PGGT1B: variants seen among roughly 807,000 people sequenced by gnomAD.
The protein encoded by PGGT1B is protein geranylgeranyltransferase type I subunit beta.
In PGGT1B, 30 loss-of-function variants were observed where a neutral mutation model predicts 46.1. The ratio of observed to expected loss-of-function variants is 0.65; its 90% CI spans 0.49 to 0.88. PGGT1B has a LOEUF of 0.88. Among genes scored for constraint, PGGT1B ranks in the 40% least tolerant of loss-of-function variants. PGGT1B has a pLI of 0.00. For missense variants in PGGT1B, 376 were observed against 455.9 expected (o/e 0.82, Z 1.60); for synonymous variants, 170 against 160.0 (o/e 1.06, Z -0.47).
intron 6 of PGGT1B, among the ~76,000 whole-genome samples, chr5:115,230,059 A>G (rs536725291): frequency 6.6e-6 from 1 of 152,258 alleles, no homozygotes; most frequent in East Asian, 1.9e-4. Context: ...ATATCTTTTT[A>G]TACAGGTTTA....
At position 115,211,805 on chromosome 5, in the gene PGGT1B, T is replaced by A. The variant is rs1052653305; in HGVS notation, c.*597A>T. ...CCTTTTAGAAAACTATCACATTAGTTAAACCTATTTATTCTTACTATGAAG... is the reference window on the plus strand; with the variant it reads ...CCTTTTAGAAAACTATCACATTAGTAAAACCTATTTATTCTTACTATGAAG... On this transcript the variant is annotated 3_prime_UTR_variant, in exon 9 of 9. Coordinates refer to ENST00000419445, the MANE Select transcript of PGGT1B (RefSeq NM_005023.4). 6.6e-6 allele frequency: 1 copy of A among 152,418 alleles called. No individual in the cohort carries two copies. The highest frequency in any genetic ancestry group is 6.5e-5 in the Admixed American group (1 of 15,280). The allele number at this position is 152,418 out of a possible 1,614,324, so 9.4% of individuals were successfully genotyped here.
At chr5:115,244,529 A>G (rs1323298306) in intron 2 of PGGT1B, among the ~76,000 whole-genome samples, 1 of 149,560 alleles carries the variant, frequency 6.7e-6, no homozygotes, top group Non-Finnish European at 1.5e-5. Flanking sequence ...TCCAAATTGT[A>G]CATAATGCTA....
At chr5:115,231,967 G>T (rs190263300) in intron 5 of PGGT1B, among the ~76,000 whole-genome samples, 60 of 152,138 alleles carry the variant, frequency 3.9e-4, no homozygotes, top group African/African-American at 1.3e-3. Context: ...TTCAAAGTCT[G>T]TTAGGAATTG....
intron 6 of PGGT1B, among the ~76,000 whole-genome samples, chr5:115,228,208 T>G (rs569500765): frequency 1.3e-5 from 2 of 152,262 alleles, no homozygotes; most frequent in African/African-American, 4.8e-5. Context: ...GAAGTAACAG[T>G]GCAGACTGGG....
rs1756048690 is a variant in PGGT1B at position 115,205,911 on chromosome 5, G to A, written c.*6491C>T. ...TCAAGGATCTCACAGCAATATTTTT[G>A]TAGTTGTGAAAAATAAGGCACTGAT... On this transcript the variant is annotated 3_prime_UTR_variant, in exon 9 of 9. Coordinates refer to ENST00000419445, the MANE Select transcript of PGGT1B (RefSeq NM_005023.4). The A allele has an allele frequency of 7.1e-6, 1 of 140,302 alleles. No homozygotes were observed. Among genetic ancestry groups the A allele is most frequent in the African/African-American group, 2.8e-5 (1 of 35,728 alleles). The allele number at this position is 140,302 out of a possible 1,614,324, so 8.7% of individuals were successfully genotyped here. A position where few individuals can be genotyped will look rare whatever the true frequency, so the allele number is the denominator to read the frequency against.
intron 3 of PGGT1B, among the ~76,000 whole-genome samples, chr5:115,240,192 T>C (rs946854058): frequency 3.5e-4 from 53 of 152,076 alleles, no homozygotes; most frequent in Admixed American, 6.6e-5. Flanking sequence ...TGCAGGTGAA[T>C]GAAGGTCCAA....
In PGGT1B at chr5:115,244,466, C is replaced by CAAAA. The variant is rs1299602640; in HGVS notation, c.260-2864_260-2861dup. 6.8e-3 allele frequency among the ~76,000 whole-genome samples: 211 copies of CAAAA among 31,140 alleles called. 31 individuals are homozygous for CAAAA. Among genetic ancestry groups the CAAAA allele is most frequent in the African/African-American group, 0.022 (182 of 8,350 alleles). 20.4% of individuals were successfully genotyped at this position (31,140 alleles called of 152,430 possible). The stretch of plus-strand genomic sequence containing the variant: ...GGCAACAGAGCGAGACTCTGTCTCA[C>CAAAA]AAAAAAAAAAAAAAAAAAAAAAAAA... On this transcript the variant is annotated intron_variant, in intron 2 of 8. Transcript: ENST00000419445.
At chr5:115,227,676 C>G (rs1756830620) in intron 6 of PGGT1B, among the ~76,000 whole-genome samples, 1 of 152,184 alleles carries the variant, frequency 6.6e-6, no homozygotes, top group Non-Finnish European at 1.5e-5. Flanking sequence ...CCTCCAACTA[C>G]CCCTTTTAGG....
chr5:115,214,204 G>A (rs548614657), intron 8 of PGGT1B, among the ~76,000 whole-genome samples: 1 of 152,038 alleles, frequency 6.6e-6, no homozygotes, highest in Non-Finnish European at 1.5e-5. Context: ...AAATCTCTCT[G>A]GGTAAAGTAA....
At chr5:115,247,385 T>G (rs530569856) in intron 2 of PGGT1B, among the ~76,000 whole-genome samples, 2 of 152,276 alleles carry the variant, frequency 1.3e-5, no homozygotes, top group South Asian at 4.1e-4. Flanking sequence ...CACCATACTA[T>G]TAATGATGAT....
chr5:115,253,946 T>G (rs1347657311), intron 1 of PGGT1B, among the ~76,000 whole-genome samples: 3 of 151,990 alleles, frequency 2.0e-5, no homozygotes, highest in Non-Finnish European at 2.9e-5. Flanking sequence ...CACAAAGAAT[T>G]TGTTATATAT....
Position 115,236,426 on chromosome 5 carries a change from A to G in PGGT1B, c.576T>C (p.Asp192=), listed in dbSNP as rs762476355. 5 of 1,596,064 alleles carry G rather than the reference A, an allele frequency of 3.1e-6. No homozygotes were observed. The highest frequency in any genetic ancestry group is 1.8e-4 in the Middle Eastern group (1 of 5,490). ...TAATATAGGTGATGGCTTTTTTCAT[A>G]TCCATGCCTGACCAGTTGTTGAGCA... ...CYMLNNWSGM[D]MKKAITYIRR... Residue 192 remains aspartate, a synonymous_variant, in exon 5 of 9, where the codon GAT becomes GAC. Coordinates refer to ENST00000419445, the MANE Select transcript of PGGT1B (RefSeq NM_005023.4).
At position 115,262,822 on chromosome 5, in the gene PGGT1B, T is replaced by G. The variant is rs548561942; in HGVS notation, c.30A>C (p.Ala10=). The change falls in exon 1 of 9, where the codon GCA becomes GCC. Residue 10 remains alanine (A), a synonymous_variant. Coordinates refer to ENST00000419445, the MANE Select transcript of PGGT1B (RefSeq NM_005023.4). MAATEDERL[A]GSGEGERLDF... is the part of the protein sequence containing the mutation. ...CCAGCCGCTCTCCCTCACCGCTCCCTGCTAGCCTCTCATCCTCAGTGGCCG... is the reference window on the plus strand; with the variant it reads ...CCAGCCGCTCTCCCTCACCGCTCCCGGCTAGCCTCTCATCCTCAGTGGCCG... 10 of 1,612,528 alleles carry G rather than the reference T, an allele frequency of 6.2e-6. No individual in the cohort carries two copies. The Admixed American group carries it at 1.7e-4, about 27-fold the overall frequency.
intron 2 of PGGT1B, among the ~76,000 whole-genome samples, chr5:115,251,656 G>A (rs1748106094): frequency 6.6e-6 from 1 of 151,802 alleles, no homozygotes; most frequent in Admixed American, 6.6e-5. Context: ...AAAGACAATA[G>A]CTATTTTATT....
At chr5:115,217,160 A>G (rs1443894455) in intron 7 of PGGT1B, among the ~76,000 whole-genome samples, 187 bp from the exon 8 acceptor site, 2 of 151,908 alleles carry the variant, frequency 1.3e-5, no homozygotes, top group East Asian at 3.9e-4. Context: ...TATCAAATCT[A>G]CTCTCCTTTT....
At chr5:115,223,936 A>T (rs1335015613) in intron 6 of PGGT1B, among the ~76,000 whole-genome samples, 1 of 152,148 alleles carries the variant, frequency 6.6e-6, no homozygotes, top group African/African-American at 2.4e-5. Context: ...TCATGCCTTA[A>T]CTTTCCTTTC....
At chr5:115,241,719 T>C (rs1232438287) in intron 2 of PGGT1B, 113 bp from the exon 3 acceptor site, 1 of 675,624 alleles carries the variant, frequency 1.5e-6, no homozygotes, top group Non-Finnish European at 2.4e-6. Context: ...TCCATTTTCA[T>C]ACTGGCTAAT....
chr5:115,220,732 A>G (rs1756564009), intron 7 of PGGT1B, among the ~76,000 whole-genome samples: 1 of 152,134 alleles, frequency 6.6e-6, no homozygotes, highest in Middle Eastern at 3.4e-3. Context: ...TTTAATGATA[A>G]TAAGAAATTA....
intron 3 of PGGT1B, among the ~76,000 whole-genome samples, 162 bp downstream of exon 3, chr5:115,241,377 C>T (rs1203120915): frequency 6.6e-6 from 1 of 152,054 alleles, no homozygotes; most frequent in Non-Finnish European, 1.5e-5. Flanking sequence ...GTATAGGTTT[C>T]CTTTAAAGGA....
Sources: allele counts gnomAD v4.1 joint callset (sites outside exome capture counted in the v4.1 genomes callset), GRCh38; gene constraint gnomAD v4.1.1; transcripts MANE v1.5; gene names NCBI Gene and HGNC (gene_info 2026-07-23, HGNC 2026-07-21).